The following ZNF462 variants were observed in gnomAD, a reference collection of about 807,000 sequenced individuals.
ZNF462 encodes zinc finger protein 462.
In ZNF462, 10 loss-of-function variants were observed where a neutral mutation model predicts 201.9. The ratio of observed to expected loss-of-function variants is 0.05; its 90% confidence interval spans 0.03 to 0.08. The LOEUF (loss-of-function observed/expected upper bound fraction) is 0.08. Ranked by LOEUF, ZNF462 falls within the 10% of genes least tolerant of loss-of-function variation. The probability of loss-of-function intolerance (pLI) is 1.00; values close to 1 mark genes in which losing one functional copy is unlikely to be tolerated. For synonymous variants in ZNF462, 1,227 were observed against 1,193.3 expected (o/e 1.03, Z -0.58); for missense variants, 2,523 against 3,168.3 (o/e 0.80, Z 4.89).
chr9:106,939,173 A>C (rs532759952), intron 7 of ZNF462, 66 bp downstream of exon 7: 14 of 1,398,078 alleles, frequency 1.0e-5, no homozygotes, highest in Non-Finnish European at 1.2e-5. Context: ...TTCATTGCCA[A>C]TCATTTTTTT....
rs1318164146 is a variant in ZNF462, at chr9:106,864,103, T to TCTCTCTCC, written c.-31+754_-31+761dup. ...CTCTCTCTCTCTCTCTCTCTCTCTC[T>TCTCTCTCC]CTCTCTCCCTCTCCCCGAAGTTGGG... On this transcript the variant is annotated intron_variant, in intron 1 of 12. Transcript: ENST00000277225. Among the ~76,000 whole-genome samples the TCTCTCTCC allele has an allele frequency of 8.2e-5, 9 of 110,030 alleles. No individual in the cohort carries two copies. In the East Asian group the frequency reaches 1.5e-3, roughly 19 times the overall value. 72.2% of individuals were successfully genotyped at this position (110,030 alleles called of 152,430 possible).
In ZNF462 at chr9:106,972,365, C is replaced by G. The variant is rs1826667146; in HGVS notation, c.6695+93C>G. 8 of 1,509,422 alleles carry G rather than the reference C, an allele frequency of 5.3e-6. No individual in the cohort carries two copies. The allele number at this position is 1,509,422 out of a possible 1,614,324, so 93.5% of individuals were successfully genotyped here. On this transcript the variant is annotated intron_variant, in intron 8 of 12. Coordinates refer to ENST00000277225, the MANE Select transcript of ZNF462 (RefSeq NM_021224.6). The surrounding 1 kb of genome is among the most constrained non-coding windows in gnomAD (Gnocchi z 4.8). ...TTCCCTTACACTTTCCTACTTGGAG[C>G]TTATGGGAGGCCCTGCCCATGTGAT...
chr9:106,917,491 A>G lies in ZNF462; in HGVS notation c.-30-5863A>G, dbSNP rs574418329. ...ACATGCATTGGCAGGACTTCATCTCATGGTATTTCCCTGCTACTATTTAAC... is the reference window on the plus strand; with the variant it reads ...ACATGCATTGGCAGGACTTCATCTCGTGGTATTTCCCTGCTACTATTTAAC... On this transcript the variant is annotated intron_variant, in intron 1 of 12. Transcript: ENST00000277225. The surrounding 1 kb of genome is among the most constrained non-coding windows in gnomAD (Gnocchi z 4.5). Among the ~76,000 whole-genome samples, 6 of 152,198 alleles carry G rather than the reference A, an allele frequency of 3.9e-5. No individual in the cohort carries two copies. The highest frequency in any genetic ancestry group is 8.8e-5 in the Non-Finnish European group (6 of 68,046).
At position 106,876,740 on chromosome 9, in the gene ZNF462, C is replaced by A. The variant is rs917918802; in HGVS notation, c.-31+13385C>A. Reference sequence around the variant, plus strand: ...TTTAATAAACATGAAGTTTTCTGAGCTTTTCAGAAGAAAGATGTTATTACT... The same window carrying A: ...TTTAATAAACATGAAGTTTTCTGAGATTTTCAGAAGAAAGATGTTATTACT... On this transcript the variant is annotated intron_variant, in intron 1 of 12. Coordinates refer to ENST00000277225, the MANE Select transcript of ZNF462 (RefSeq NM_021224.6). The surrounding 1 kb of genome is among the most constrained non-coding windows in gnomAD (Gnocchi z 4.9). 6.6e-6 allele frequency among the ~76,000 whole-genome samples: 1 copy of A among 152,118 alleles called. No homozygotes were observed. Among genetic ancestry groups the A allele is most frequent in the Non-Finnish European group, 1.5e-5 (1 of 68,018 alleles).
chr9:106,904,956 T>A (rs1230914621), intron 1 of ZNF462, among the ~76,000 whole-genome samples: 1 of 152,150 alleles, frequency 6.6e-6, no homozygotes, highest in African/African-American at 2.4e-5. Context: ...CCATTGCTGG[T>A]GAACTAGTGT....
Position 106,864,043 on chromosome 9 carries a change from T to TCTCG in ZNF462, c.-31+691_-31+692insGCTC, listed in dbSNP as rs1827183310. ...CCCCTCTTCCTCAGGTATTTGGCTC[T>TCTCG]CTCTCTCTCTCTCTCTCTCTCTCTC... On this transcript the variant is annotated intron_variant, in intron 1 of 12. Coordinates refer to ENST00000277225, the MANE Select transcript of ZNF462 (RefSeq NM_021224.6). 6.9e-5 allele frequency among the ~76,000 whole-genome samples: 2 copies of TCTCG among 29,028 alleles called. 1 individual carries two copies. The highest frequency in any genetic ancestry group is 2.0e-3 in the East Asian group (2 of 984). 19.0% of individuals were successfully genotyped at this position (29,028 alleles called of 152,430 possible).
intron 1 of ZNF462, among the ~76,000 whole-genome samples, chr9:106,892,755 C>T (rs1410687793): frequency 6.6e-6 from 1 of 151,978 alleles, no homozygotes; most frequent in South Asian, 2.1e-4. Context: ...AATATTTAGT[C>T]TGCAAAGAAA....
chr9:106,891,972 G>C (rs1373550704), intron 1 of ZNF462, among the ~76,000 whole-genome samples: 1 of 152,154 alleles, frequency 6.6e-6, no homozygotes, highest in Non-Finnish European at 1.5e-5. Flanking sequence ...GGGGTTCTTA[G>C]GTTAAATTCC....
At chr9:106,990,036 A>G (rs1433031939) in intron 10 of ZNF462, among the ~76,000 whole-genome samples, 1 of 151,258 alleles carries the variant, frequency 6.6e-6, no homozygotes, top group African/African-American at 2.4e-5. Flanking sequence ...TGTTTGTTTC[A>G]ATTTCATTTA....
At chr9:107,000,282 A>C (rs1829086780) in intron 10 of ZNF462, among the ~76,000 whole-genome samples, 1 of 151,840 alleles carries the variant, frequency 6.6e-6, no homozygotes, top group Admixed American at 6.6e-5. Context: ...GACAGTTAAG[A>C]AATTTGTATT....
intron 7 of ZNF462, among the ~76,000 whole-genome samples, chr9:106,969,150 G>T (rs1832214177): frequency 6.6e-6 from 1 of 152,070 alleles, no homozygotes; most frequent in Admixed American, 6.6e-5. Flanking sequence ...TTGTAACCTG[G>T]GCATTATTAC....
At chr9:106,952,317 G>A (rs1831388417) in intron 7 of ZNF462, among the ~76,000 whole-genome samples, 1 of 152,102 alleles carries the variant, frequency 6.6e-6, no homozygotes, top group East Asian at 1.9e-4. Flanking sequence ...ATAACACAAT[G>A]GAAGTACTTT....
chr9:106,931,301 T>C (rs1364377586), intron 4 of ZNF462, among the ~76,000 whole-genome samples: 3 of 152,202 alleles, frequency 2.0e-5, no homozygotes, highest in Admixed American at 6.5e-5. Flanking sequence ...GCCACCTGTT[T>C]TGAACATCAT....
Position 106,974,172 on chromosome 9 carries a change from C to T in ZNF462, c.6731C>T (p.Ser2244Leu). 3 of 1,614,178 alleles carry T rather than the reference C, an allele frequency of 1.9e-6. No individual in the cohort carries two copies. The highest frequency in any genetic ancestry group is 1.1e-5 in the South Asian group (1 of 91,084). ...ACTATGCACGTGGAAGCTGGGCACT[C>T]AGCAGTTCCCGAGGAGGGCCCCAAA... ...AFTMHVEAGH[S>L]AVPEEGPKDL... is the part of the protein sequence containing the mutation. The change falls in exon 9 of 13, where the codon TCA becomes TTA. Residue 2244 changes from serine to leucine, a missense_variant. Physicochemically the swap from Ser to Leu is moderately radical, Grantham distance 145. Around this residue, in one of 15 missense-constraint regions of ZNF462, gnomAD observed 228 missense variants for 361.2 expected, o/e 0.63. Transcript: ENST00000277225. The surrounding 1 kb of genome is among the most constrained non-coding windows in gnomAD (Gnocchi z 4.0).
At position 106,932,452 on chromosome 9, in the gene ZNF462, C is replaced by T. The variant is rs1429383096; in HGVS notation, c.6019C>T (p.Arg2007Cys). 3.1e-6 allele frequency: 5 copies of T among 1,614,092 alleles called. No homozygotes were observed. Among genetic ancestry groups the T allele is most frequent in the African/African-American group, 1.3e-5 (1 of 74,926 alleles). ...AGTCCTGATGTCCATGCAGGGGCTG[C>T]GTTCTCATGAGAGGAGCCACCTGGC... ...PAVSAAVKGL[R>C]SHERSHLALA... The change falls in exon 5 of 13, where the codon CGT becomes TGT. Residue 2007 changes from arginine (R) to cysteine (C), a missense_variant. Arg to Cys is a radical substitution (Grantham distance 180). Coordinates refer to ENST00000277225, the MANE Select transcript of ZNF462 (RefSeq NM_021224.6). The surrounding 1 kb of genome is among the most constrained non-coding windows in gnomAD (Gnocchi z 6.8).
chr9:106,990,927 G>C (rs1455064659), intron 10 of ZNF462, among the ~76,000 whole-genome samples: 1 of 152,002 alleles, frequency 6.6e-6, no homozygotes, highest in African/African-American at 2.4e-5. Context: ...TTATGTGCTG[G>C]CTAAAAATGG....
rs146486576 is a variant in ZNF462 at position 106,868,815 on chromosome 9, C to G, written c.-31+5460C>G. Reference sequence around the variant, plus strand: ...TGTTGAGGGTTGTGAAATAGCTGCTCTCTTCTCCAGGGCCCACAGCTTTCT... The same window carrying G: ...TGTTGAGGGTTGTGAAATAGCTGCTGTCTTCTCCAGGGCCCACAGCTTTCT... On this transcript the variant is annotated intron_variant, in intron 1 of 12. Coordinates refer to ENST00000277225, the MANE Select transcript of ZNF462 (RefSeq NM_021224.6). Among the ~76,000 whole-genome samples the G allele has an allele frequency of 6.0e-3, 921 of 152,314 alleles. 7 individuals carry two copies. Among genetic ancestry groups the G allele is most frequent in the African/African-American group, 0.02 (847 of 41,566 alleles).
chr9:106,905,821 T>G lies in ZNF462; in HGVS notation c.-30-17533T>G, dbSNP rs959798910. On this transcript the variant is annotated intron_variant, in intron 1 of 12. Coordinates refer to ENST00000277225, the MANE Select transcript of ZNF462 (RefSeq NM_021224.6). The surrounding 1 kb of genome is among the most constrained non-coding windows in gnomAD (Gnocchi z 5.9). ...GAAAATTTCTCTGAGGCTACGCACC[T>G]CCCAGCTGCGAGAAAAAAGAGTTTT... 2.0e-5 allele frequency among the ~76,000 whole-genome samples: 3 copies of G among 152,166 alleles called. No homozygotes were observed. Among genetic ancestry groups the G allele is most frequent in the Non-Finnish European group, 4.4e-5 (3 of 68,022 alleles).
intron 10 of ZNF462, among the ~76,000 whole-genome samples, chr9:107,001,561 A>G (rs1318755276): frequency 6.6e-6 from 1 of 152,284 alleles, no homozygotes; most frequent in Admixed American, 6.5e-5. Context: ...GCATTTTCTT[A>G]TGCTATCCCT....
Sources: allele counts gnomAD v4.1 joint callset (sites outside exome capture counted in the v4.1 genomes callset), GRCh38; gene constraint gnomAD v4.1.1; regional missense constraint gnomAD v4.1.1; non-coding constraint Gnocchi (gnomAD v3.1); transcripts MANE v1.5; gene names NCBI Gene and HGNC (gene_info 2026-07-23, HGNC 2026-07-21).